GRIN2A: variants seen among roughly 807,000 people sequenced by gnomAD.
GRIN2A encodes glutamate receptor ionotropic, NMDA 2A.
GRIN2A carries 22 observed loss-of-function variants against 113.4 expected under a neutral mutation model. That is an observed-to-expected ratio of 0.19 (90% confidence interval 0.14 to 0.28). The LOEUF (loss-of-function observed/expected upper bound fraction) is 0.28. Ranked by LOEUF, GRIN2A falls within the 10% of genes least tolerant of loss-of-function variation. The pLI is 1.00. For missense variants in GRIN2A, 1,502 were observed against 1,887.0 expected (o/e 0.80, Z 3.78); for synonymous variants, 827 against 738.4 (o/e 1.12, Z -1.94).
intron 2 of GRIN2A, among the ~76,000 whole-genome samples, chr16:9,964,434 G>C (rs2045510460): frequency 6.6e-6 from 1 of 152,136 alleles, no homozygotes; most frequent in Admixed American, 6.5e-5. Context: ...TTCTATTGCT[G>C]CTATGACAAA....
intron 2 of GRIN2A, among the ~76,000 whole-genome samples, chr16:10,083,638 G>A (rs1295832973): frequency 6.6e-6 from 1 of 152,066 alleles, no homozygotes; most frequent in African/African-American, 2.4e-5. Flanking sequence ...GTTCTTTTCT[G>A]CACCTCACCC....
At chr16:10,070,372 G>A (rs1382459993) in intron 2 of GRIN2A, among the ~76,000 whole-genome samples, 3 of 152,324 alleles carry the variant, frequency 2.0e-5, no homozygotes, top group African/African-American at 7.2e-5. Flanking sequence ...TCAGGCTCCA[G>A]CCCAGACTTG....
chr16:10,153,528 A>G (rs2049627897), intron 2 of GRIN2A, among the ~76,000 whole-genome samples: 1 of 152,108 alleles, frequency 6.6e-6, no homozygotes, highest in African/African-American at 2.4e-5. Context: ...TTTTATAAAC[A>G]TTTTTCTAAA....
intron 2 of GRIN2A, among the ~76,000 whole-genome samples, chr16:10,158,698 C>T (rs750627469): frequency 2.0e-5 from 3 of 152,236 alleles, no homozygotes; most frequent in African/African-American, 7.2e-5. Flanking sequence ...CGATCCCATC[C>T]CATCTAGAAC....
At chr16:10,007,421 T>A (rs1291061680) in intron 2 of GRIN2A, among the ~76,000 whole-genome samples, 2 of 152,246 alleles carry the variant, frequency 1.3e-5, no homozygotes, top group Non-Finnish European at 2.9e-5. Context: ...GCCATTTGTA[T>A]GTCTTCTTTT....
intron 2 of GRIN2A, among the ~76,000 whole-genome samples, chr16:9,980,953 C>T (rs1299350903): frequency 2.7e-5 from 4 of 149,696 alleles, no homozygotes; most frequent in African/African-American, 4.9e-5. Flanking sequence ...CAAACCTGCA[C>T]GTTGTGCACA....
At chr16:10,160,387 C>T (rs1374232310) in intron 2 of GRIN2A, among the ~76,000 whole-genome samples, 4 of 152,172 alleles carry the variant, frequency 2.6e-5, no homozygotes, top group Non-Finnish European at 4.4e-5. Flanking sequence ...GGGTTGTAGA[C>T]TTGAGCAAGT....
chr16:9,847,234 A>C (rs185145335), intron 5 of GRIN2A, among the ~76,000 whole-genome samples: 152 of 152,290 alleles, frequency 1.0e-3, no homozygotes, highest in African/African-American at 3.6e-3. Flanking sequence ...GACAGCCAGA[A>C]AAGTGGAAAC....
intron 11 of GRIN2A, among the ~76,000 whole-genome samples, chr16:9,786,673 A>G (rs1902248598): frequency 6.6e-6 from 1 of 152,188 alleles, no homozygotes. Context: ...AAGTAACATC[A>G]TGTAAAGATT....
At chr16:9,893,477 T>C (rs1421388781) in intron 3 of GRIN2A, among the ~76,000 whole-genome samples, 3 of 151,958 alleles carry the variant, frequency 2.0e-5, no homozygotes, top group African/African-American at 7.2e-5. Flanking sequence ...ATTTTTGTTA[T>C]TTTTTTTAAG....
At chr16:10,006,691 C>T (rs1193951663) in intron 2 of GRIN2A, among the ~76,000 whole-genome samples, 1 of 152,096 alleles carries the variant, frequency 6.6e-6, no homozygotes, top group African/African-American at 2.4e-5. Context: ...ACTACAGTCA[C>T]CCTGTTATGC....
chr16:10,039,317 C>G (rs1189638068), intron 2 of GRIN2A, among the ~76,000 whole-genome samples: 1 of 152,176 alleles, frequency 6.6e-6, no homozygotes, highest in Non-Finnish European at 1.5e-5. Context: ...AATGTGCATT[C>G]GTAGCGGGGG....
chr16:10,031,962 C>T (rs867624768), intron 2 of GRIN2A, among the ~76,000 whole-genome samples: 1 of 152,242 alleles, frequency 6.6e-6, no homozygotes, highest in South Asian at 2.1e-4. Flanking sequence ...CTGTCACCCA[C>T]CCTAGTCTTC....
At chr16:9,805,207 C>G (rs1291098663) in intron 10 of GRIN2A, among the ~76,000 whole-genome samples, 1 of 152,206 alleles carries the variant, frequency 6.6e-6, no homozygotes, top group Non-Finnish European at 1.5e-5. Flanking sequence ...CTTGTATTAT[C>G]AAGCGGCTTG....
chr16:10,111,319 G>GCTGCGT, intron 2 of GRIN2A: 1 of 385,338 alleles, frequency 2.6e-6, no homozygotes, highest in South Asian at 2.2e-5. Context: ...AGCGTCAGCA[G>GCTGCGT]CAGCGGCAGC....
At chr16:10,158,857 G>T (rs1235164039) in intron 2 of GRIN2A, among the ~76,000 whole-genome samples, 1 of 152,188 alleles carries the variant, frequency 6.6e-6, no homozygotes, top group Non-Finnish European at 1.5e-5. Flanking sequence ...ACACAACATT[G>T]TGAACGTACT....
rs566441821 is a variant in GRIN2A, at chr16:10,101,994, C to T, written c.414+78004G>A. ...GTAATCCTAGAGATAATAGTAATAG[C>T]AGTATTTATGGAGCAATGAGTATGT... is the stretch of plus-strand genomic sequence containing the variant. On this transcript the variant is annotated intron_variant, in intron 2 of 12. Coordinates refer to ENST00000330684, the MANE Select transcript of GRIN2A (RefSeq NM_001134407.3). 1.4e-4 allele frequency among the ~76,000 whole-genome samples: 22 copies of T among 152,266 alleles called. No individual in the cohort carries two copies. The South Asian group carries it at 2.9e-3, about 20-fold the overall frequency.
At chr16:9,830,143 G>A (rs1272005169) in intron 8 of GRIN2A, among the ~76,000 whole-genome samples, 1 of 152,194 alleles carries the variant, frequency 6.6e-6, no homozygotes, top group Admixed American at 6.5e-5. Context: ...TTCAAACTCA[G>A]ATGTAAAGTG....
intron 10 of GRIN2A, among the ~76,000 whole-genome samples, chr16:9,815,017 G>A (rs1233616088): frequency 1.7e-5 from 2 of 117,488 alleles, no homozygotes; most frequent in South Asian, 5.2e-4. Context: ...GCGAAACTCC[G>A]TTTCAAAAAA....
Sources: allele counts gnomAD v4.1 joint callset (sites outside exome capture counted in the v4.1 genomes callset), GRCh38; gene constraint gnomAD v4.1.1; transcripts MANE v1.5; gene names NCBI Gene and HGNC (gene_info 2026-07-23, HGNC 2026-07-21).